ZNF512: variants seen among roughly 807,000 people sequenced by gnomAD.
ZNF512 encodes zinc finger protein 512.
A neutral mutation model predicts 77.5 loss-of-function variants in ZNF512; 25 were observed. That is an observed-to-expected ratio of 0.32 (90% CI 0.23 to 0.45). The LOEUF (loss-of-function observed/expected upper bound fraction) is 0.45. Ranked by LOEUF, ZNF512 falls within the 20% of genes least tolerant of loss-of-function variation. ZNF512 has a pLI of 1.00. For missense variants in ZNF512, 483 were observed against 692.6 expected (o/e 0.70, Z 3.40); for synonymous variants, 246 against 239.9 (o/e 1.03, Z -0.24).
intron 2 of ZNF512, among the ~76,000 whole-genome samples, chr2:27,589,590 C>G (rs1210609456): frequency 6.6e-6 from 1 of 152,094 alleles, no homozygotes; most frequent in East Asian, 1.9e-4. Flanking sequence ...CTCCTCTTAC[C>G]TTACCTTTTC....
At chr2:27,608,379 T>G (rs1487650847) in intron 10 of ZNF512, among the ~76,000 whole-genome samples, 1 of 152,204 alleles carries the variant, frequency 6.6e-6, no homozygotes, top group East Asian at 1.9e-4. Context: ...TCAGTTTGTT[T>G]TGTAGTAACA....
chr2:27,605,536 C>T (rs180976937), intron 9 of ZNF512, among the ~76,000 whole-genome samples: 15 of 152,020 alleles, frequency 9.9e-5, no homozygotes, highest in African/African-American at 2.4e-4. Context: ...AGTGCAGTGG[C>T]GCCACCTTGG....
Position 27,607,947 on chromosome 2 carries a change from G to A in ZNF512, c.1039G>A (p.Val347Ile). The A allele has an allele frequency of 6.2e-6, 10 of 1,614,050 alleles. No homozygotes were observed. The highest frequency in any genetic ancestry group is 8.5e-6 in the Non-Finnish European group (10 of 1,179,958). ...RVQRRSAKIAVYHLQELASAE... is the reference protein window; with the variant it reads ...RVQRRSAKIAIYHLQELASAE... The stretch of plus-strand genomic sequence containing the variant: ...TCAGAGACGTTCTGCCAAGATAGCT[G>A]TATACCACCTACAGGAGCTGGCCTC... The change falls in exon 10 of 14, where the codon GTA (valine) becomes ATA (isoleucine). Residue 347 changes from valine to isoleucine, a missense_variant. This residue lies in a region of ZNF512 where 324 missense variants were observed against 525.0 expected (regional missense o/e 0.62). Transcript: ENST00000355467.
At chr2:27,612,991 G>C (rs1384527197) in intron 10 of ZNF512, among the ~76,000 whole-genome samples, 1 of 152,082 alleles carries the variant, frequency 6.6e-6, no homozygotes, top group Non-Finnish European at 1.5e-5. Context: ...TATGTTCTGA[G>C]TCACTACTCC....
At chr2:27,594,350 C>T (rs1336411128) in intron 2 of ZNF512, among the ~76,000 whole-genome samples, 7 of 145,250 alleles carry the variant, frequency 4.8e-5, no homozygotes, top group Admixed American at 2.1e-4. Flanking sequence ...GGCGGCCGGG[C>T]GGAGGCGCTC....
intron 11 of ZNF512, 91 bp from the exon 12 acceptor site, chr2:27,616,171 C>A: frequency 1.2e-6 from 1 of 854,752 alleles, no homozygotes; most frequent in Non-Finnish European, 1.8e-6. Flanking sequence ...TTTCTTCCTT[C>A]AAATGTGGAG....
intron 10 of ZNF512, among the ~76,000 whole-genome samples, chr2:27,611,177 C>T (rs1672644502): frequency 6.6e-6 from 1 of 152,170 alleles, no homozygotes; most frequent in African/African-American, 2.4e-5. Flanking sequence ...TCCAAATGCT[C>T]TTCACCTAGC....
intron 10 of ZNF512, among the ~76,000 whole-genome samples, chr2:27,609,437 A>G (rs139940994): frequency 0.012 from 1,827 of 152,238 alleles, 29 homozygotes; most frequent in African/African-American, 0.036. Flanking sequence ...AAATTTAAAT[A>G]TTTGTTAACT....
chr2:27,611,747 G>GCGTGC (rs1672674850), intron 10 of ZNF512, among the ~76,000 whole-genome samples: 1 of 150,794 alleles, frequency 6.6e-6, no homozygotes, highest in Non-Finnish European at 1.5e-5. Context: ...ACCCAGGCTG[G>GCGTGC]AGTGCATTGG....
chr2:27,617,866 C>T (rs574661813), intron 13 of ZNF512, among the ~76,000 whole-genome samples: 1 of 144,328 alleles, frequency 6.9e-6, no homozygotes, highest in African/African-American at 2.5e-5. Context: ...GAGCTGGTTG[C>T]GCTACTGCAC....
chr2:27,616,806 C>T (rs1672902246), intron 12 of ZNF512, among the ~76,000 whole-genome samples: 1 of 152,192 alleles, frequency 6.6e-6, no homozygotes, highest in Non-Finnish European at 1.5e-5. Flanking sequence ...GAATCTTTTC[C>T]ATGTTGACCC....
Position 27,598,137 on chromosome 2 carries a change from G to C in ZNF512, c.160G>C (p.Gly54Arg). 1.2e-6 allele frequency: 2 copies of C among 1,614,090 alleles called. No homozygotes were observed. The highest frequency in any genetic ancestry group is 1.7e-6 in the Non-Finnish European group (2 of 1,179,982). Residue 54 changes from glycine to arginine, a missense_variant, in exon 3 of 14, where the codon GGT (glycine) becomes CGT (arginine). Gly to Arg is a moderately radical substitution (Grantham distance 125, BLOSUM62 -2). Coordinates refer to ENST00000355467, the MANE Select transcript of ZNF512 (RefSeq NM_032434.4). ...TATCCCTCATGATGACTCCTTAAGT[G>C]GTTCATCGTCTGCATCTTCGTGTGA... ...YTIPHDDSLS[G>R]SSSASSCEPV...
At chr2:27,600,910 A>T in intron 6 of ZNF512, 95 bp downstream of exon 6, 2 of 1,441,624 alleles carry the variant, frequency 1.4e-6, no homozygotes, top group Non-Finnish European at 1.9e-6. Context: ...TAATGGATGA[A>T]AAGCAGCATT....
At chr2:27,587,960 G>T (rs1400461980) in intron 2 of ZNF512, among the ~76,000 whole-genome samples, 2 of 152,070 alleles carry the variant, frequency 1.3e-5, no homozygotes, top group Non-Finnish European at 2.9e-5. Flanking sequence ...GATTAACGGT[G>T]TGAGCCACCG....
intron 10 of ZNF512, among the ~76,000 whole-genome samples, chr2:27,610,725 C>G (rs1196531729): frequency 1.3e-5 from 2 of 149,918 alleles, no homozygotes; most frequent in East Asian, 4.0e-4. Context: ...GGATTACGGG[C>G]ACATACAACC....
rs751304702 is a variant in ZNF512, at chr2:27,602,537, G to T, written c.744G>T (p.Leu248=). Residue 248 remains leucine, a synonymous_variant, in exon 8 of 14, where the codon CTG becomes CTT. Coordinates refer to ENST00000355467, the MANE Select transcript of ZNF512 (RefSeq NM_032434.4). ...RERLRTVLKR[L]GKLRCMRESC... is the part of the protein sequence containing the mutation. ...GGCTCCGAACAGTTCTAAAGAGACTGGGAAAGCTCAGGTGCATGCGTGAGG... is the reference window on the plus strand; with the variant it reads ...GGCTCCGAACAGTTCTAAAGAGACTTGGAAAGCTCAGGTGCATGCGTGAGG... 15 of 1,613,868 alleles carry T rather than the reference G, an allele frequency of 9.3e-6. No individual in the cohort carries two copies. The highest frequency in any genetic ancestry group is 1.7e-5 in the Admixed American group (1 of 59,964).
chr2:27,583,636 T>C lies in ZNF512; in HGVS notation c.31-22T>C, dbSNP rs1405066749. ...AGGTTCAGAGGTCCCTAGCACTCAC[T>C]CGTGTGCTTGTGATTTGCTAGACTT... On this transcript the variant is annotated intron_variant, in intron 1 of 13. Transcript: ENST00000355467. The C allele has an allele frequency of 1.9e-6, 3 of 1,613,800 alleles. 1 individual carries two copies. The South Asian group carries it at 3.3e-5, about 18-fold the overall frequency.
chr2:27,618,417 G>A (rs1447107158), intron 13 of ZNF512, among the ~76,000 whole-genome samples: 2 of 152,180 alleles, frequency 1.3e-5, no homozygotes, highest in African/African-American at 4.8e-5. Context: ...TGAGACAGTT[G>A]GGGAAATTTG....
intron 2 of ZNF512, among the ~76,000 whole-genome samples, chr2:27,595,808 A>T (rs965727433): frequency 6.6e-6 from 1 of 150,692 alleles, no homozygotes; most frequent in African/African-American, 2.4e-5. Flanking sequence ...CTTTTCCTTC[A>T]TTTCTTGTGT....
Sources: allele counts gnomAD v4.1 joint callset (sites outside exome capture counted in the v4.1 genomes callset), GRCh38; gene constraint gnomAD v4.1.1; regional missense constraint gnomAD v4.1.1; transcripts MANE v1.5; gene names NCBI Gene and HGNC (gene_info 2026-07-23, HGNC 2026-07-21).